The following DNAJC1 variants were observed in gnomAD, a reference collection of about 807,000 sequenced individuals.
The protein encoded by DNAJC1 is DnaJ heat shock protein family (Hsp40) member C1, also known as dnaJ homolog subfamily C member 1.
DNAJC1 carries 58 observed loss-of-function variants against 76.6 expected under a neutral mutation model. The observed-to-expected ratio is 0.76, with a 90% CI of 0.61 to 0.94. DNAJC1 has a LOEUF of 0.94. DNAJC1 is among the 40% of genes least tolerant of loss of function. DNAJC1 has a pLI of 0.00. For synonymous variants in DNAJC1, 258 were observed against 267.9 expected, an observed-to-expected ratio of 0.96 and a Z score of 0.36; for missense variants, 689 against 677.3, an observed-to-expected ratio of 1.02 and a Z score of -0.19.
At chr10:21,772,943 G>C (rs1834405609) in intron 9 of DNAJC1, among the ~76,000 whole-genome samples, 2 of 152,120 alleles carry the variant, frequency 1.3e-5, no homozygotes, top group South Asian at 4.1e-4. Flanking sequence ...ACATGCCAGA[G>C]CAGGAGGAAC....
At chr10:21,859,429 T>C (rs1398665016) in intron 8 of DNAJC1, among the ~76,000 whole-genome samples, 2 of 152,198 alleles carry the variant, frequency 1.3e-5, no homozygotes, top group African/African-American at 4.8e-5. Context: ...CACAGGACAG[T>C]ATCTGACACT....
chr10:21,866,884 GT>G (rs991828578), intron 8 of DNAJC1, among the ~76,000 whole-genome samples: 1 of 152,108 alleles, frequency 6.6e-6, no homozygotes, highest in Non-Finnish European at 1.5e-5. Flanking sequence ...ATCCTCATGT[GT>G]TTGTAAATTA....
At chr10:21,907,839 G>C (rs1836771456) in intron 6 of DNAJC1, among the ~76,000 whole-genome samples, 1 of 150,220 alleles carries the variant, frequency 6.7e-6, no homozygotes, top group Admixed American at 6.8e-5. Context: ...TTAGCCAGGT[G>C]TGGTGGCAGG....
chr10:21,982,915 C>G (rs565238420), intron 1 of DNAJC1, among the ~76,000 whole-genome samples: 9 of 152,188 alleles, frequency 5.9e-5, no homozygotes, highest in Non-Finnish European at 1.0e-4. Flanking sequence ...ATTAGCCAGG[C>G]ATGATGGCGC....
rs1834754854 is a variant in DNAJC1, at chr10:21,796,765, T to C, written c.1098+9215A>G. ...TATGTCATCTTTGTAGAAATGTCTT[T>C]TGAAGTCCTTTGCCCACTTAAATAT... is the stretch of plus-strand genomic sequence containing the variant. On this transcript the variant is annotated intron_variant, in intron 9 of 11. Coordinates refer to ENST00000376980, the MANE Select transcript of DNAJC1 (RefSeq NM_022365.4). Among the ~76,000 whole-genome samples the C allele has an allele frequency of 2.6e-5, 4 of 152,348 alleles. No individual in the cohort carries two copies. In the South Asian group the frequency reaches 8.3e-4, roughly 32 times the overall value.
chr10:21,764,143 T>C (rs1426024183), intron 10 of DNAJC1, among the ~76,000 whole-genome samples: 3 of 152,042 alleles, frequency 2.0e-5, no homozygotes, highest in Non-Finnish European at 4.4e-5. Flanking sequence ...TGTCCAACAA[T>C]AGAAACTTGT....
At chr10:21,995,374 C>T (rs902088271) in intron 1 of DNAJC1, among the ~76,000 whole-genome samples, 3 of 152,154 alleles carry the variant, frequency 2.0e-5, no homozygotes, top group African/African-American at 7.2e-5. Context: ...AGTTGAGTTT[C>T]ATGTAACAGT....
chr10:21,929,416 T>G (rs1302702994), intron 1 of DNAJC1, among the ~76,000 whole-genome samples: 1 of 152,238 alleles, frequency 6.6e-6, no homozygotes, highest in East Asian at 1.9e-4. Flanking sequence ...AACACTTGCC[T>G]TCCTAAAATT....
At chr10:21,810,199 C>T (rs1389068509) in intron 8 of DNAJC1, among the ~76,000 whole-genome samples, 1 of 152,120 alleles carries the variant, frequency 6.6e-6, no homozygotes, top group Admixed American at 6.5e-5. Flanking sequence ...CAGAAGTCCA[C>T]AATTTGGCCC....
rs141929259 is a variant in DNAJC1, at chr10:21,957,587, G to C, written c.223-28446C>G. On this transcript the variant is annotated intron_variant, in intron 1 of 11. Coordinates refer to ENST00000376980, the MANE Select transcript of DNAJC1 (RefSeq NM_022365.4). ...AATAGTTCTGTACTATATCAAATTGGCAACTAAACATTTTTCATGTGTTTA... is the reference window on the plus strand; with the variant it reads ...AATAGTTCTGTACTATATCAAATTGCCAACTAAACATTTTTCATGTGTTTA... Among the ~76,000 whole-genome samples the C allele has an allele frequency of 3.9e-3, 595 of 152,114 alleles. 5 individuals are homozygous for C. Among genetic ancestry groups the C allele is most frequent in the African/African-American group, 0.014 (562 of 41,492 alleles).
At position 21,790,726 on chromosome 10, in the gene DNAJC1, C is replaced by G. The variant is rs189356984; in HGVS notation, c.1098+15254G>C. ...AAAAGTATAAAATTCACTGTTATAG[C>G]AAATACACAAAGCAGAAAAAGGATC... On this transcript the variant is annotated intron_variant, in intron 9 of 11. Transcript: ENST00000376980. 7.2e-4 allele frequency among the ~76,000 whole-genome samples: 109 copies of G among 151,842 alleles called. 1 individual carries two copies. Among genetic ancestry groups the G allele is most frequent in the Admixed American group, 1.5e-3 (23 of 15,238 alleles).
intron 1 of DNAJC1, among the ~76,000 whole-genome samples, chr10:21,990,593 T>C (rs181838570): frequency 7.9e-5 from 12 of 152,312 alleles, no homozygotes; most frequent in African/African-American, 2.9e-4. Context: ...ACAGGTTGTT[T>C]CATAATCCCT....
At chr10:21,774,367 C>T (rs1444443638) in intron 9 of DNAJC1, among the ~76,000 whole-genome samples, 1 of 152,166 alleles carries the variant, frequency 6.6e-6, no homozygotes, top group Admixed American at 6.5e-5. Flanking sequence ...GTCACAAATA[C>T]ACGTGACCTC....
At chr10:21,894,635 T>C (rs1836511301) in intron 7 of DNAJC1, among the ~76,000 whole-genome samples, 1 of 152,164 alleles carries the variant, frequency 6.6e-6, no homozygotes, top group Non-Finnish European at 1.5e-5. Context: ...AAGCTGGCAT[T>C]ACCAATACCA....
At chr10:21,992,175 G>A (rs1483742913) in intron 1 of DNAJC1, among the ~76,000 whole-genome samples, 1 of 152,192 alleles carries the variant, frequency 6.6e-6, no homozygotes, top group Non-Finnish European at 1.5e-5. Context: ...GCTGGGTGTG[G>A]TGGCATGTGC....
intron 7 of DNAJC1, among the ~76,000 whole-genome samples, chr10:21,900,449 C>T (rs188859562): frequency 1.3e-5 from 2 of 152,028 alleles, no homozygotes; most frequent in East Asian, 3.9e-4. Context: ...GAATCATTGC[C>T]ATGGGGAAAC....
intron 8 of DNAJC1, among the ~76,000 whole-genome samples, chr10:21,861,671 T>C (rs1213882956): frequency 2.6e-5 from 4 of 151,958 alleles, no homozygotes; most frequent in African/African-American, 9.7e-5. Flanking sequence ...AAAACCAAGA[T>C]GGAGACACGA....
intron 9 of DNAJC1, among the ~76,000 whole-genome samples, chr10:21,782,213 C>A (rs1049618806): frequency 9.2e-5 from 14 of 152,100 alleles, no homozygotes; most frequent in African/African-American, 3.4e-4. Context: ...GGGGATATCA[C>A]CACTGATCCC....
In DNAJC1 at chr10:21,799,134, T is replaced by C. The variant is rs190286814; in HGVS notation, c.1098+6846A>G. Reference sequence around the variant, plus strand: ...GTTTAAAATATAAAAAACCATCATGTAAGATATTACATAATTATGACCTGG... The same window carrying C: ...GTTTAAAATATAAAAAACCATCATGCAAGATATTACATAATTATGACCTGG... On this transcript the variant is annotated intron_variant, in intron 9 of 11. Transcript: ENST00000376980. 2.7e-3 allele frequency among the ~76,000 whole-genome samples: 418 copies of C among 152,332 alleles called. 4 individuals carry two copies. Among genetic ancestry groups the C allele is most frequent in the Non-Finnish European group, 4.6e-3 (312 of 68,028 alleles).
Sources: gnomAD v4.1 joint callset for allele counts (sites outside exome capture counted in the v4.1 genomes callset) on GRCh38, gnomAD v4.1.1 for gene constraint, MANE v1.5 for transcripts, NCBI Gene and HGNC (gene_info 2026-07-23, HGNC 2026-07-21) for gene names.